ADAMTS5: variants seen among roughly 807,000 people sequenced by gnomAD.
ADAMTS5 encodes ADAM metallopeptidase with thrombospondin type 1 motif 5.
In ADAMTS5, 54 loss-of-function variants were observed where a neutral mutation model predicts 81.4. The ratio of observed to expected loss-of-function variants is 0.66; its 90% CI spans 0.53 to 0.83. The LOEUF (loss-of-function observed/expected upper bound fraction) is 0.83. Ranked by LOEUF, ADAMTS5 falls within the 40% of genes least tolerant of loss-of-function variation. ADAMTS5 has a pLI of 0.00. For synonymous variants in ADAMTS5, 532 were observed against 508.8 expected (o/e 1.05, Z -0.61); for missense variants, 1,194 against 1,229.9 (o/e 0.97, Z 0.44).
intron 2 of ADAMTS5, among the ~76,000 whole-genome samples, chr21:26,951,731 G>C (rs1421561901): frequency 7.7e-6 from 1 of 129,786 alleles, no homozygotes; most frequent in African/African-American, 3.0e-5. Flanking sequence ...AAATTAGGAA[G>C]AGAGAAGATT....
intron 6 of ADAMTS5, among the ~76,000 whole-genome samples, chr21:26,931,278 C>T (rs1164289759): frequency 1.1e-4 from 16 of 152,114 alleles, no homozygotes; most frequent in Non-Finnish European, 1.8e-4. Context: ...ATCTCCTGAC[C>T]TTGTGATCTG....
At chr21:26,940,002 T>C (rs963508255) in intron 3 of ADAMTS5, among the ~76,000 whole-genome samples, 9 of 152,216 alleles carry the variant, frequency 5.9e-5, no homozygotes, top group Admixed American at 2.0e-4. Flanking sequence ...TTTTCAACCA[T>C]AACCTAATTG....
chr21:26,932,227 A>AC lies in ADAMTS5; in HGVS notation c.1874-49_1874-48insG, dbSNP rs746455303. 3 of 1,564,740 alleles carry AC rather than the reference A, an allele frequency of 1.9e-6. No homozygotes were observed. The Admixed American group carries it at 5.5e-5, about 29-fold the overall frequency. On this transcript the variant is annotated intron_variant, in intron 5 of 7. Coordinates refer to ENST00000284987, the MANE Select transcript of ADAMTS5 (RefSeq NM_007038.5). ...TATTACCTTATCAGTTCTGAAACTT[A>AC]GATATATTCTTGTGGGTTTAAATAG...
intron 7 of ADAMTS5, among the ~76,000 whole-genome samples, chr21:26,927,276 C>A (rs1042608560): frequency 1.3e-5 from 2 of 152,056 alleles, no homozygotes; most frequent in Non-Finnish European, 2.9e-5. Context: ...TTAGTCCGCT[C>A]CCAGCAAACA....
chr21:26,950,197 G>T (rs1354599572), intron 2 of ADAMTS5, among the ~76,000 whole-genome samples: 2 of 152,138 alleles, frequency 1.3e-5, no homozygotes, highest in Non-Finnish European at 2.9e-5. Context: ...CAAAGCTTCG[G>T]CATGTTTGCA....
chr21:26,950,302 C>G (rs1987293204), intron 2 of ADAMTS5, among the ~76,000 whole-genome samples: 1 of 152,090 alleles, frequency 6.6e-6, no homozygotes, highest in African/African-American at 2.4e-5. Flanking sequence ...TTTTTAAGGA[C>G]CATATGTGCA....
At chr21:26,933,171 G>T in intron 4 of ADAMTS5, 127 bp from the exon 5 acceptor site, 1 of 984,044 alleles carries the variant, frequency 1.0e-6, no homozygotes, top group Non-Finnish European at 1.5e-6. Context: ...TATTTTCACT[G>T]AATTTAACAT....
chr21:26,959,541 C>G (rs1476304710), intron 1 of ADAMTS5, among the ~76,000 whole-genome samples: 4 of 152,124 alleles, frequency 2.6e-5, no homozygotes, highest in African/African-American at 4.8e-5. Context: ...TTAATCTTAT[C>G]TTTTGTATTC....
At chr21:26,936,248 G>T (rs1987011586) in intron 3 of ADAMTS5, among the ~76,000 whole-genome samples, 1 of 152,190 alleles carries the variant, frequency 6.6e-6, no homozygotes, top group African/African-American at 2.4e-5. Flanking sequence ...CTAAATGGTT[G>T]AGTGCTCCTG....
At chr21:26,943,686 G>T in intron 2 of ADAMTS5, 139 bp from the exon 3 acceptor site, 2 of 729,550 alleles carry the variant, frequency 2.7e-6, no homozygotes, top group South Asian at 4.1e-5. Flanking sequence ...CCAGAGACTG[G>T]ACCTCCAGGG....
chr21:26,928,647 T>G (rs1286458697), intron 7 of ADAMTS5, among the ~76,000 whole-genome samples: 1 of 151,864 alleles, frequency 6.6e-6, no homozygotes, highest in Non-Finnish European at 1.5e-5. Context: ...TTTCTTTCTC[T>G]TTCCTTTGTC....
intron 1 of ADAMTS5, among the ~76,000 whole-genome samples, chr21:26,956,664 T>C (rs989482028): frequency 8.5e-5 from 13 of 152,168 alleles, no homozygotes; most frequent in African/African-American, 2.9e-4. Context: ...CACACATTTT[T>C]TTTAAAACAA....
In ADAMTS5 at chr21:26,966,943, C is replaced by T. The variant is rs369763607; in HGVS notation, c.-552G>A. ...AGGGAAGAAAGAGAGGGGAAAAAGCCGTAAAAATTAAAACAAAAATGCAGG... is the reference window on the plus strand; with the variant it reads ...AGGGAAGAAAGAGAGGGGAAAAAGCTGTAAAAATTAAAACAAAAATGCAGG... On this transcript the variant is annotated 5_prime_UTR_variant, in exon 1 of 8. Transcript: ENST00000284987. Among the ~76,000 whole-genome samples, 2 of 151,962 alleles carry T rather than the reference C, an allele frequency of 1.3e-5. No homozygotes were observed. The highest frequency in any genetic ancestry group is 1.9e-4 in the East Asian group (1 of 5,152).
chr21:26,943,853 G>A (rs374320582), intron 2 of ADAMTS5, among the ~76,000 whole-genome samples: 1 of 152,120 alleles, frequency 6.6e-6, no homozygotes, highest in Non-Finnish European at 1.5e-5. Flanking sequence ...TAGAGTTTGC[G>A]AGACAATTGT....
intron 1 of ADAMTS5, among the ~76,000 whole-genome samples, chr21:26,960,839 C>T (rs1404059291): frequency 6.6e-6 from 1 of 152,214 alleles, no homozygotes; most frequent in Non-Finnish European, 1.5e-5. Context: ...TGATGGTTTG[C>T]TGATGTCTGC....
chr21:26,953,600 C>T (rs1253466290), intron 2 of ADAMTS5, among the ~76,000 whole-genome samples: 3 of 152,052 alleles, frequency 2.0e-5, no homozygotes, highest in Non-Finnish European at 2.9e-5. Context: ...TTTTAATTCC[C>T]ATTTAAAAGT....
Position 26,920,457 on chromosome 21 carries a change from C to A in ADAMTS5, c.*3596G>T, listed in dbSNP as rs1986669531. ...GACTATTAGCATTTGTTATACAAACCCAATCTATTTGTGCTCATCTGTAGA... is the reference window on the plus strand; with the variant it reads ...GACTATTAGCATTTGTTATACAAACACAATCTATTTGTGCTCATCTGTAGA... On this transcript the variant is annotated 3_prime_UTR_variant, in exon 8 of 8. Coordinates refer to ENST00000284987, the MANE Select transcript of ADAMTS5 (RefSeq NM_007038.5). 2 of 151,980 alleles carry A rather than the reference C, an allele frequency of 1.3e-5. No homozygotes were observed. The highest frequency in any genetic ancestry group is 2.9e-5 in the Non-Finnish European group (2 of 67,970). The allele number at this position is 151,980 out of a possible 1,614,324, so 9.4% of individuals were successfully genotyped here.
intron 7 of ADAMTS5, among the ~76,000 whole-genome samples, chr21:26,925,484 G>T (rs1986789914): frequency 6.6e-6 from 1 of 152,128 alleles, no homozygotes; most frequent in African/African-American, 2.4e-5. Flanking sequence ...ACAAAAAAAT[G>T]GGGAAAGACA....
At position 26,923,783 on chromosome 21, in the gene ADAMTS5, C is replaced by A. The variant is rs1019040687; in HGVS notation, c.*270G>T. The A allele has an allele frequency of 5.5e-6, 2 of 363,852 alleles. No individual in the cohort carries two copies. The highest frequency in any genetic ancestry group is 5.0e-6 in the Non-Finnish European group (1 of 199,234). The allele number at this position is 363,852 out of a possible 1,614,324, so 22.5% of individuals were successfully genotyped here. On this transcript the variant is annotated 3_prime_UTR_variant, in exon 8 of 8. Transcript: ENST00000284987. ...GACAGTTCTGCCATCTTCAAATGTCCCCTGATTTTACATTCATCAGTGTTT... is the reference window on the plus strand; with the variant it reads ...GACAGTTCTGCCATCTTCAAATGTCACCTGATTTTACATTCATCAGTGTTT...
Sources: gnomAD v4.1 joint callset for allele counts (sites outside exome capture counted in the v4.1 genomes callset) on GRCh38, gnomAD v4.1.1 for gene constraint, MANE v1.5 for transcripts, NCBI Gene and HGNC (gene_info 2026-07-23, HGNC 2026-07-21) for gene names.